CNTNAP1: variants seen among roughly 807,000 people sequenced by gnomAD.
CNTNAP1 encodes contactin associated protein 1.
In CNTNAP1, 80 loss-of-function variants were observed where a neutral mutation model predicts 161.5. That is an observed-to-expected ratio of 0.50 (90% CI 0.41 to 0.60). CNTNAP1 has a LOEUF of 0.60. CNTNAP1 is among the 20% of genes least tolerant of loss of function. The pLI is 0.00. For missense variants in CNTNAP1, 1,464 were observed against 1,854.8 expected (o/e 0.79, Z 3.87); for synonymous variants, 695 against 733.1 (o/e 0.95, Z 0.84).
Position 42,692,554 on chromosome 17 carries a change from A to G in CNTNAP1, c.2586A>G (p.Thr862=), listed in dbSNP as rs2053101110. 1 of 1,614,094 alleles carries G rather than the reference A, an allele frequency of 6.2e-7. No individual in the cohort carries two copies. Among genetic ancestry groups the G allele is most frequent in the South Asian group, 1.1e-5 (1 of 91,088 alleles). The change falls in exon 17 of 24, where the codon ACA becomes ACG. Residue 862 remains threonine (T), a synonymous_variant. Coordinates refer to ENST00000264638, the MANE Select transcript of CNTNAP1 (RefSeq NM_003632.3). ...FDVGNGDENL[T]VHSDDFEFND... is the part of the protein sequence containing the mutation. ...TGGGGAATGGGGATGAGAACCTCAC[A>G]GTACACTCAGACGACTTTGAGTTCA... is the stretch of plus-strand genomic sequence containing the variant.
In CNTNAP1 at chr17:42,697,899, C is replaced by T. The variant is rs561048102; in HGVS notation, c.3815-4C>T. 30 of 1,614,144 alleles carry T rather than the reference C, an allele frequency of 1.9e-5. 1 individual carries two copies. The South Asian group carries it at 2.0e-4, about 11-fold the overall frequency. ...TCTCCTAACTGGTGCTTTCTCCTCT[C>T]CAGACTTCCCCTACTACCATGATGA... On this transcript the variant is annotated splice_region_variant and splice_polypyrimidine_tract_variant and intron_variant, in intron 22 of 23. Transcript: ENST00000264638.
At position 42,682,811 on chromosome 17, in the gene CNTNAP1, C is replaced by G. The variant is rs1436019988; in HGVS notation, c.-19C>G. ...GGAGCCGTTCACAGGGAGGCGGCTG[C>G]CGGGACCGTCAGCCCTGCATGATGC... On this transcript the variant is annotated 5_prime_UTR_variant, in exon 1 of 24. Coordinates refer to ENST00000264638, the MANE Select transcript of CNTNAP1 (RefSeq NM_003632.3). 7.1e-6 allele frequency: 11 copies of G among 1,558,478 alleles called. No homozygotes were observed. Among genetic ancestry groups the G allele is most frequent in the Non-Finnish European group, 9.5e-6 (11 of 1,153,788 alleles).
rs762805981 is a variant in CNTNAP1 at position 42,690,748 on chromosome 17, C to T, written c.1865C>T (p.Ala622Val). The change falls in exon 13 of 24, where the codon GCG becomes GTG. Residue 622 changes from alanine to valine, a missense_variant. Transcript: ENST00000264638. ...CCCTCTTGTCTGCCAGAGAACCGAG[C>T]GTGGACAGTTGTGCGGCATGACAGG... ...VVYCDIRENR[A>V]WTVVRHDRLW... 12 of 1,613,880 alleles carry T rather than the reference C, an allele frequency of 7.4e-6. No homozygotes were observed. The highest frequency in any genetic ancestry group is 1.1e-5 in the South Asian group (1 of 91,086).
Position 42,697,298 on chromosome 17 carries a change from CAGA to C in CNTNAP1, c.3502_3504del (p.Lys1168del), listed in dbSNP as rs747060339. On this transcript the variant is annotated inframe_deletion, in exon 21 of 24. Transcript: ENST00000264638. ...GGTGGACTACTTCCCACTGACAGAG[CAGA>C]AGTTCTCGCTGTTGGTGGACAGCCA... is the stretch of plus-strand genomic sequence containing the variant. 29 of 1,614,010 alleles carry C rather than the reference CAGA, an allele frequency of 1.8e-5. No individual in the cohort carries two copies. The African/African-American group carries it at 2.7e-4, about 15-fold the overall frequency.
Position 42,684,946 on chromosome 17 carries a change from A to C in CNTNAP1, c.364-45A>C, listed in dbSNP as rs540228883. ...TCTCAAAAAATAAAATAAAAAAAAG[A>C]AGCAGAGGGCAGGACGTGGTTACTA... On this transcript the variant is annotated intron_variant, in intron 3 of 23. Coordinates refer to ENST00000264638, the MANE Select transcript of CNTNAP1 (RefSeq NM_003632.3). 1.5e-5 allele frequency: 24 copies of C among 1,594,650 alleles called. No homozygotes were observed. The South Asian group carries it at 2.5e-4, about 16-fold the overall frequency.
Position 42,696,894 on chromosome 17 carries a change from C to T in CNTNAP1, c.3475-380C>T, listed in dbSNP as rs139713288. Among the ~76,000 whole-genome samples the T allele has an allele frequency of 1.8e-3, 277 of 152,146 alleles. 1 individual carries two copies. Among genetic ancestry groups the T allele is most frequent in the African/African-American group, 6.4e-3 (267 of 41,512 alleles). The stretch of plus-strand genomic sequence containing the variant: ...ACCAGGGTTTTAAAAAATATATAGG[C>T]CAGGTGCAGCGGCTCACACCTGTAA... On this transcript the variant is annotated intron_variant, in intron 20 of 23. Transcript: ENST00000264638.
At chr17:42,683,465 G>GTGA (rs1173902313) in intron 1 of CNTNAP1, 66 of 1,137,576 alleles carry the variant, frequency 5.8e-5, no homozygotes, top group Non-Finnish European at 6.9e-5. Flanking sequence ...TTGAGGCTAG[G>GTGA]GTTGGAGCTG....
chr17:42,686,195 G>T lies in CNTNAP1; in HGVS notation c.900+54G>T, dbSNP rs1035071663. 31 of 1,555,102 alleles carry T rather than the reference G, an allele frequency of 2.0e-5. No homozygotes were observed. In the Admixed American group the frequency reaches 5.2e-4, roughly 26 times the overall value. ...GGTAGGGTAGATGCTGGATGAGTGA[G>T]TGCAGGTCGGTCTCTCCCTTTCTCT... On this transcript the variant is annotated intron_variant, in intron 6 of 23. Coordinates refer to ENST00000264638, the MANE Select transcript of CNTNAP1 (RefSeq NM_003632.3).
Position 42,690,036 on chromosome 17 carries a change from G to A in CNTNAP1, c.1736-52G>A. The stretch of plus-strand genomic sequence containing the variant: ...ATTACAGGCCCGAGCCGCCGCACCT[G>A]GCCAGCCCTCTAACTCTCTAACTGC... On this transcript the variant is annotated intron_variant, in intron 11 of 23. Transcript: ENST00000264638. 4 of 1,603,568 alleles carry A rather than the reference G, an allele frequency of 2.5e-6. No individual in the cohort carries two copies. In the South Asian group the frequency reaches 4.4e-5, roughly 18 times the overall value.
intron 16 of CNTNAP1, 142 bp from the exon 17 acceptor site, chr17:42,692,357 T>C: frequency 4.2e-6 from 3 of 715,986 alleles, no homozygotes; most frequent in Non-Finnish European, 7.0e-6. Context: ...CTGGTAAGTT[T>C]CAATGCAAGC....
chr17:42,686,473 T>TTTTTG (rs2053012870), intron 6 of CNTNAP1, among the ~76,000 whole-genome samples: 2 of 109,728 alleles, frequency 1.8e-5, no homozygotes, highest in East Asian at 2.1e-4. Flanking sequence ...AGGCCTGTTT[T>TTTTTG]TTTTTTTTTT....
intron 17 of CNTNAP1, 99 bp downstream of exon 17, chr17:42,692,819 G>A (rs2053106441): frequency 9.3e-7 from 1 of 1,071,844 alleles, no homozygotes; most frequent in South Asian, 1.6e-5. Flanking sequence ...TTAGGTGCCA[G>A]TCCCCTCTGC....
chr17:42,690,540 A>AC (rs1297098890), intron 12 of CNTNAP1, among the ~76,000 whole-genome samples, 199 bp from the exon 13 acceptor site: 1 of 151,604 alleles, frequency 6.6e-6, no homozygotes, highest in Non-Finnish European at 1.5e-5. Context: ...AAAAAAAAAA[A>AC]AAGTATATCC....
chr17:42,697,140 G>C (rs1169346606), intron 20 of CNTNAP1, 134 bp from the exon 21 acceptor site: 2 of 702,448 alleles, frequency 2.8e-6, no homozygotes, highest in Non-Finnish European at 5.0e-6. Flanking sequence ...CCGCCAGTTT[G>C]GACAGAATGA....
At chr17:42,692,816 C>A (rs2053106406) in intron 17 of CNTNAP1, 96 bp downstream of exon 17, 1 of 1,088,032 alleles carries the variant, frequency 9.2e-7, no homozygotes, top group Non-Finnish European at 1.3e-6. Context: ...GTCTTAGGTG[C>A]CAGTCCCCTC....
chr17:42,688,081 G>A (rs2053041027), intron 8 of CNTNAP1, 100 bp downstream of exon 8: 2 of 1,494,498 alleles, frequency 1.3e-6, no homozygotes, highest in Non-Finnish European at 8.9e-7. Flanking sequence ...CTGGAGAGGG[G>A]AGAGGAGTGA....
chr17:42,692,649 G>C lies in CNTNAP1; in HGVS notation c.2681G>C (p.Arg894Pro). The change falls in exon 17 of 24, where the codon CGG becomes CCG. Residue 894 changes from arginine to proline, a missense_variant. Physicochemically the swap from Arg to Pro is moderately radical, Grantham distance 103. Coordinates refer to ENST00000264638, the MANE Select transcript of CNTNAP1 (RefSeq NM_003632.3). Reference sequence around the variant, plus strand: ...CAGGCCCGGCTCCGAGTGGATCACCGGCCCTGGGTTCTGCGGCCTATGCCA... The same window carrying C: ...CAGGCCCGGCTCCGAGTGGATCACCCGCCCTGGGTTCTGCGGCCTATGCCA... ...VKQARLRVDH[R>P]PWVLRPMPLQ... is the part of the protein sequence containing the mutation. 2 of 1,614,166 alleles carry C rather than the reference G, an allele frequency of 1.2e-6. No individual in the cohort carries two copies. The highest frequency in any genetic ancestry group is 8.5e-7 in the Non-Finnish European group (1 of 1,180,038).
At position 42,687,835 on chromosome 17, in the gene CNTNAP1, T is replaced by C; in HGVS notation, c.1160T>C (p.Phe387Ser). 1 of 1,614,210 alleles carries C rather than the reference T, an allele frequency of 6.2e-7. No individual in the cohort carries two copies. The highest frequency in any genetic ancestry group is 8.5e-7 in the Non-Finnish European group (1 of 1,180,032). ...FPRRGRLAVS[F>S]RFRTWDLTGL... ...CGCCGTGGCCGCCTGGCAGTCTCAT[T>C]TCGCTTCCGCACCTGGGACCTCACC... The change falls in exon 8 of 24, where the codon TTT (phenylalanine) becomes TCT (serine). Residue 387 changes from phenylalanine (F) to serine (S), a missense_variant. Physicochemically the swap from Phe to Ser is radical, Grantham distance 155 (BLOSUM62 -2). Around this residue, in one of 3 missense-constraint regions of CNTNAP1, gnomAD observed 1,383 missense variants for 1,765.0 expected, o/e 0.78. Coordinates refer to ENST00000264638, the MANE Select transcript of CNTNAP1 (RefSeq NM_003632.3). The surrounding 1 kb of genome is among the most constrained non-coding windows in gnomAD (Gnocchi z 4.7).
At chr17:42,694,660 A>G (rs892934596) in intron 18 of CNTNAP1, among the ~76,000 whole-genome samples, 2 of 150,670 alleles carry the variant, frequency 1.3e-5, no homozygotes, top group African/African-American at 4.9e-5. Flanking sequence ...TCGCTTCTCC[A>G]TCTTCCCACC....
Sources: allele counts gnomAD v4.1 joint callset (sites outside exome capture counted in the v4.1 genomes callset), GRCh38; gene constraint gnomAD v4.1.1; regional missense constraint gnomAD v4.1.1; non-coding constraint Gnocchi (gnomAD v3.1); transcripts MANE v1.5; gene names NCBI Gene and HGNC (gene_info 2026-07-23, HGNC 2026-07-21).